The following PROSER2 variants were observed in gnomAD, a reference collection of about 807,000 sequenced individuals.
PROSER2 encodes the protein proline and serine rich 2.
PROSER2 carries 18 observed loss-of-function variants against 14.6 expected under a neutral mutation model. The observed-to-expected ratio is 1.23, with a 90% confidence interval of 0.85 to 1.83. The LOEUF (loss-of-function observed/expected upper bound fraction) is 1.83. Ranked by LOEUF, PROSER2 falls within the 40% of genes most tolerant of loss-of-function variation. The pLI, the probability that PROSER2 is intolerant of heterozygous loss-of-function variation, is 0.00. For synonymous variants in PROSER2, 367 were observed against 286.4 expected, an observed-to-expected ratio of 1.28 and a Z score of -2.84; for missense variants, 823 against 629.8, an observed-to-expected ratio of 1.31 and a Z score of -3.28.
intron 3 of PROSER2, among the ~76,000 whole-genome samples, chr10:11,867,127 T>C (rs544088226): frequency 6.6e-6 from 1 of 151,720 alleles, no homozygotes; most frequent in South Asian, 2.1e-4. Context: ...TAGCCAGGCA[T>C]GGTGACGGGT....
In PROSER2 at chr10:11,862,810, T is replaced by TAC. The variant is rs1834269222; in HGVS notation, c.139-3720_139-3719dup. On this transcript the variant is annotated intron_variant, in intron 2 of 3. Transcript: ENST00000277570. The surrounding 1 kb of genome is among the most constrained non-coding windows in gnomAD (Gnocchi z 4.2). Reference sequence around the variant, plus strand: ...TATCCCAAACATTTCCGATGAGGAGTACTCACCTGTATTATGGAGAAAAAA... The same window carrying TAC: ...TATCCCAAACATTTCCGATGAGGAGTACACTCACCTGTATTATGGAGAAAAAA... 6.6e-6 allele frequency: 1 copy of TAC among 151,978 alleles called. No homozygotes were observed. The highest frequency in any genetic ancestry group is 6.6e-5 in the Admixed American group (1 of 15,260). 9.4% of individuals were successfully genotyped at this position (151,978 alleles called of 1,614,324 possible).
At chr10:11,852,324 C>A in intron 2 of PROSER2, 109 bp downstream of exon 2, 1 of 1,205,644 alleles carries the variant, frequency 8.3e-7, no homozygotes, top group Non-Finnish European at 1.1e-6. Context: ...GGTCAACTAG[C>A]TTGATGTTCT....
At chr10:11,853,348 G>A (rs1027691273) in intron 2 of PROSER2, among the ~76,000 whole-genome samples, 1 of 152,174 alleles carries the variant, frequency 6.6e-6, no homozygotes, top group Non-Finnish European at 1.5e-5. Flanking sequence ...GGCACTTTGG[G>A]AGGCCAAGGC....
chr10:11,860,248 G>C (rs1301958987), intron 2 of PROSER2, among the ~76,000 whole-genome samples: 1 of 152,180 alleles, frequency 6.6e-6, no homozygotes, highest in Non-Finnish European at 1.5e-5. Context: ...CCCTAGAGGG[G>C]CTCGGGTAGG....
chr10:11,829,076 C>G (rs547807475), intron 1 of PROSER2, among the ~76,000 whole-genome samples: 93 of 152,146 alleles, frequency 6.1e-4, no homozygotes, highest in African/African-American at 2.2e-3. Flanking sequence ...ACCAGCGAAG[C>G]TTTCTGAGTA....
intron 1 of PROSER2, among the ~76,000 whole-genome samples, chr10:11,825,699 G>A (rs1833601801): frequency 6.6e-6 from 1 of 152,160 alleles, no homozygotes; most frequent in Admixed American, 6.5e-5. Flanking sequence ...TTTTAAGAAA[G>A]TTGGTGCTAG....
intron 1 of PROSER2, among the ~76,000 whole-genome samples, chr10:11,835,431 TA>T (rs1833747134): frequency 6.6e-6 from 1 of 152,228 alleles, no homozygotes; most frequent in South Asian, 2.1e-4. Context: ...AAGTAGTCTA[TA>T]AATTACTTTT....
chr10:11,840,956 ATATATATATATATATATAT>A (rs1261826632), intron 1 of PROSER2, among the ~76,000 whole-genome samples: 1 of 16,306 alleles, frequency 6.1e-5, no homozygotes, highest in Admixed American at 6.3e-4. Context: ...AAAAAAAAAA[ATATATATATATATATATAT>A]ATATATATAT....
chr10:11,833,978 C>G (rs1234109476), intron 1 of PROSER2, among the ~76,000 whole-genome samples: 1 of 122,114 alleles, frequency 8.2e-6, no homozygotes, highest in Non-Finnish European at 1.6e-5. Flanking sequence ...AAGTGAGTAG[C>G]TCTTTCTTTT....
At position 11,870,388 on chromosome 10, in the gene PROSER2, G is replaced by A. The variant is rs902217744; in HGVS notation, c.1290G>A (p.Leu430=). 4 of 1,503,902 alleles carry A rather than the reference G, an allele frequency of 2.7e-6. No homozygotes were observed. The highest frequency in any genetic ancestry group is 4.7e-5 in the Admixed American group (2 of 42,988). The allele number at this position is 1,503,902 out of a possible 1,614,324, so 93.2% of individuals were successfully genotyped here. A position where few individuals can be genotyped will look rare whatever the true frequency, so the allele number is the denominator to read the frequency against. ...GGGAGGCCCTGCGGAAGCTGGGGCT[G>A]CTCAGGGAGAGTTCGTGAGGGCCGC... is the stretch of plus-strand genomic sequence containing the variant. The part of the protein sequence containing the change: ...ARREALRKLG[L]LRESS The change falls in exon 4 of 4, where the codon CTG becomes CTA. Residue 430 remains leucine (L), a synonymous_variant. Transcript: ENST00000277570.
In PROSER2 at chr10:11,825,769, C is replaced by G. The variant is rs548506782; in HGVS notation, c.-82+2299C>G. The stretch of plus-strand genomic sequence containing the variant: ...GGACTGTATGGGGAGAGCATTCTGC[C>G]TTGTCGGACAGGGATGGGAGAGCTC... On this transcript the variant is annotated intron_variant, in intron 1 of 3. Coordinates refer to ENST00000277570, the MANE Select transcript of PROSER2 (RefSeq NM_153256.4). 5.0e-4 allele frequency among the ~76,000 whole-genome samples: 76 copies of G among 152,314 alleles called. No individual in the cohort carries two copies. The Middle Eastern group carries it at 0.014, about 27-fold the overall frequency.
At chr10:11,829,130 G>A (rs1432119533) in intron 1 of PROSER2, among the ~76,000 whole-genome samples, 5 of 151,992 alleles carry the variant, frequency 3.3e-5, no homozygotes, top group Non-Finnish European at 1.5e-5. Context: ...CTGTGGAGTA[G>A]ACGTTTACAT....
chr10:11,869,876 A>G lies in PROSER2; in HGVS notation c.778A>G (p.Thr260Ala), dbSNP rs1424227566. The change falls in exon 4 of 4, where the codon ACC (threonine) becomes GCC (alanine). Residue 260 changes from threonine (T) to alanine (A), a missense_variant. Transcript: ENST00000277570. This position sits in a 1 kb window ranked among gnomAD's most constrained non-coding sequence, Gnocchi z 4.4. ...APRFPSNIIV[T>A]NGAAREPRRT... The stretch of plus-strand genomic sequence containing the variant: ...CCGCTTCCCCAGCAACATCATCGTC[A>G]CCAACGGCGCGGCCCGGGAGCCCCG... The G allele has an allele frequency of 1.3e-6, 2 of 1,593,756 alleles. No homozygotes were observed. The highest frequency in any genetic ancestry group is 8.5e-7 in the Non-Finnish European group (1 of 1,172,390).
chr10:11,829,788 A>G (rs1833666475), intron 1 of PROSER2, among the ~76,000 whole-genome samples: 1 of 150,506 alleles, frequency 6.6e-6, no homozygotes, highest in South Asian at 2.1e-4. Flanking sequence ...TAAAATGTGC[A>G]TGAGGTGAGT....
At chr10:11,835,812 T>C (rs1004724899) in intron 1 of PROSER2, among the ~76,000 whole-genome samples, 1 of 152,118 alleles carries the variant, frequency 6.6e-6, no homozygotes, top group Non-Finnish European at 1.5e-5. Flanking sequence ...GCCACTAGCA[T>C]TAGGGCCAAC....
Position 11,837,635 on chromosome 10 carries a change from T to C in PROSER2, c.-82+14165T>C, listed in dbSNP as rs1833780144. ...TACATCACTTGGTTAAGGGGAATAA[T>C]TTTTCCATTCACGTTCAGAACTACC... is the stretch of plus-strand genomic sequence containing the variant. On this transcript the variant is annotated intron_variant, in intron 1 of 3. Transcript: ENST00000277570. The surrounding 1 kb of genome is among the most constrained non-coding windows in gnomAD (Gnocchi z 4.6). Among the ~76,000 whole-genome samples, 1 of 152,214 alleles carries C rather than the reference T, an allele frequency of 6.6e-6. No homozygotes were observed. Among genetic ancestry groups the C allele is most frequent in the African/African-American group, 2.4e-5 (1 of 41,452 alleles).
intron 2 of PROSER2, among the ~76,000 whole-genome samples, chr10:11,852,538 ACT>A (rs1050985387): frequency 9.7e-6 from 1 of 103,044 alleles, no homozygotes; most frequent in African/African-American, 3.0e-5. Flanking sequence ...AACACAGTTG[ACT>A]CTTTTTTTTG....
At position 11,869,292 on chromosome 10, in the gene PROSER2, C is replaced by T. The variant is rs1464530216; in HGVS notation, c.392-198C>T. 8.3e-6 allele frequency: 5 copies of T among 604,272 alleles called. No individual in the cohort carries two copies. Among genetic ancestry groups the T allele is most frequent in the Non-Finnish European group, 5.9e-6 (2 of 338,232 alleles). 37.4% of individuals were successfully genotyped at this position (604,272 alleles called of 1,614,324 possible). A position where few individuals can be genotyped will look rare whatever the true frequency, so the allele number is the denominator to read the frequency against. On this transcript the variant is annotated intron_variant, in intron 3 of 3. Transcript: ENST00000277570. The surrounding 1 kb of genome is among the most constrained non-coding windows in gnomAD (Gnocchi z 4.4). ...GGCTATCGTGATTGTCCCTTATCAG[C>T]GTGAGGTCATGAGCATGACATACCA...
At chr10:11,853,529 G>C (rs1263629905) in intron 2 of PROSER2, among the ~76,000 whole-genome samples, 1 of 152,192 alleles carries the variant, frequency 6.6e-6, no homozygotes, top group Non-Finnish European at 1.5e-5. Context: ...AGAGGTTGTA[G>C]TGAGCTGAAA....
Sources: gnomAD v4.1 joint callset for allele counts (sites outside exome capture counted in the v4.1 genomes callset) on GRCh38, gnomAD v4.1.1 for gene constraint, Gnocchi (gnomAD v3.1) non-coding constraint, MANE v1.5 for transcripts, NCBI Gene and HGNC (gene_info 2026-07-23, HGNC 2026-07-21) for gene names.